Variants in SIRPB2 observed in about 807,000 individuals in gnomAD.
The protein encoded by SIRPB2 is signal-regulatory protein beta-2.
A neutral mutation model predicts 27.1 loss-of-function variants in SIRPB2; 18 were observed. The observed-to-expected ratio is 0.66, with a 90% CI of 0.46 to 0.98. The LOEUF is 0.98. SIRPB2 is among the 50% of genes least tolerant of loss of function. The pLI is 0.00. For missense variants in SIRPB2, 420 were observed against 417.4 expected (o/e 1.01, Z -0.06); for synonymous variants, 150 against 164.6 (o/e 0.91, Z 0.68).
At position 1,476,099 on chromosome 20, in the gene SIRPB2, G is replaced by A. The variant is rs2090603266; in HGVS notation, c.*68C>T. ...GGGCACCTAGAGGCTGGGACTGGAG[G>A]TAGGGAAATGGTTGAGGAGCCCTGG... On this transcript the variant is annotated 3_prime_UTR_variant, in exon 5 of 5. Transcript: ENST00000359801. The A allele has an allele frequency of 6.4e-6, 10 of 1,567,650 alleles. No individual in the cohort carries two copies. In the South Asian group the frequency reaches 8.1e-5, roughly 13 times the overall value.
Position 1,478,348 on chromosome 20 carries a change from T to C in SIRPB2, c.711A>G (p.Ala237=), listed in dbSNP as rs757005407. 14 of 1,614,120 alleles carry C rather than the reference T, an allele frequency of 8.7e-6. No individual in the cohort carries two copies. The highest frequency in any genetic ancestry group is 1.3e-5 in the African/African-American group (1 of 74,950). ...ILLQNVSSED[A]GTYYCVKFQR... is the part of the protein sequence containing the mutation. ...GAAACTTTACACAGTAATAGGTGCCTGCATCCTCACTGGAGACGTTTTGCA... is the reference window on the plus strand; with the variant it reads ...GAAACTTTACACAGTAATAGGTGCCCGCATCCTCACTGGAGACGTTTTGCA... The change falls in exon 3 of 5, where the codon GCA becomes GCG. Residue 237 remains alanine (A), a synonymous_variant. Transcript: ENST00000359801.
chr20:1,474,457 G>A (rs1177234728), downstream of SIRPB2: 4 of 152,584 alleles, frequency 2.6e-5, no homozygotes, highest in African/African-American at 4.8e-5. Flanking sequence ...TCTACTCGCC[G>A]CTATAGTGAG....
rs377158391 is a variant in SIRPB2 at position 1,482,832 on chromosome 20, A to AT, written c.86-2768dup. On this transcript the variant is annotated intron_variant, in intron 1 of 4. Coordinates refer to ENST00000359801, the MANE Select transcript of SIRPB2 (RefSeq NM_001122962.2). ...GTGCTTGGGGACACTATATATATGTATTTTTTTTATCAATTCATCCATTGA... is the reference window on the plus strand; with the variant it reads ...GTGCTTGGGGACACTATATATATGTATTTTTTTTTATCAATTCATCCATTGA... 5.9e-3 allele frequency among the ~76,000 whole-genome samples: 899 copies of AT among 151,248 alleles called. 7 individuals carry two copies. Among genetic ancestry groups the AT allele is most frequent in the African/African-American group, 9.5e-3 (388 of 40,942 alleles).
chr20:1,486,983 A>T (rs1003205247), intron 1 of SIRPB2, among the ~76,000 whole-genome samples: 9 of 152,328 alleles, frequency 5.9e-5, no homozygotes, highest in African/African-American at 2.2e-4. Context: ...ACTAACTGTG[A>T]AAAAGGTAGT....
At chr20:1,480,195 C>A (rs571906279) in intron 1 of SIRPB2, 130 bp from the exon 2 acceptor site, 2 of 1,271,042 alleles carry the variant, frequency 1.6e-6, no homozygotes, top group Non-Finnish European at 2.1e-6. Context: ...TGTCATTAGA[C>A]AGGGAAGGGA....
At chr20:1,485,781 A>T (rs919337503) in intron 1 of SIRPB2, among the ~76,000 whole-genome samples, 1 of 152,068 alleles carries the variant, frequency 6.6e-6, no homozygotes, top group African/African-American at 2.4e-5. Flanking sequence ...TAAATTATTA[A>T]AATAAGGAAT....
Position 1,478,591 on chromosome 20 carries a change from T to C in SIRPB2, c.468A>G (p.Glu156=), listed in dbSNP as rs2090634736. ...GGGGCTGGATGATCCACAGGTCTGG[T>C]TCAGGGTCCCCAGCTCCTGAAGCCA... is the stretch of plus-strand genomic sequence containing the variant. The part of the protein sequence containing the change: ...SVLVKGAGDP[E]PDLWIIQPQE... The change falls in exon 3 of 5, where the codon GAA becomes GAG. Residue 156 remains glutamate (E), a synonymous_variant. Transcript: ENST00000359801. 3 of 1,579,486 alleles carry C rather than the reference T, an allele frequency of 1.9e-6. No individual in the cohort carries two copies. The South Asian group carries it at 3.4e-5, about 18-fold the overall frequency.
At chr20:1,488,272 C>T (rs1440449766) in intron 1 of SIRPB2, among the ~76,000 whole-genome samples, 1 of 152,070 alleles carries the variant, frequency 6.6e-6, no homozygotes, top group Non-Finnish European at 1.5e-5. Context: ...AAATGAGAGT[C>T]GAATAGACAC....
intron 1 of SIRPB2, among the ~76,000 whole-genome samples, chr20:1,489,469 A>T (rs936703899): frequency 6.6e-6 from 1 of 152,244 alleles, no homozygotes; most frequent in Non-Finnish European, 1.5e-5. Flanking sequence ...AGAAAGTCTT[A>T]TCTCAGCTAG....
Position 1,491,367 on chromosome 20 carries a change from T to A in SIRPB2, c.-8A>T. ...CGACATCGTGGAGCACATGGCATCT[T>A]CTGTGGTCCCCAAGACTTGGGGCTC... is the stretch of plus-strand genomic sequence containing the variant. On this transcript the variant is annotated 5_prime_UTR_variant, in exon 1 of 5. Coordinates refer to ENST00000359801, the MANE Select transcript of SIRPB2 (RefSeq NM_001122962.2). 1 of 1,605,152 alleles carries A rather than the reference T, an allele frequency of 6.2e-7. No homozygotes were observed. The highest frequency in any genetic ancestry group is 1.1e-5 in the South Asian group (1 of 89,352).
At chr20:1,478,716 A>T in intron 2 of SIRPB2, 109 bp from the exon 3 acceptor site, 1 of 892,152 alleles carries the variant, frequency 1.1e-6, no homozygotes, top group Non-Finnish European at 1.7e-6. Flanking sequence ...TTCTTCACTC[A>T]GCCACTCCTT....
At chr20:1,480,144 C>T (rs1267060318) in intron 1 of SIRPB2, 79 bp from the exon 2 acceptor site, 12 of 1,488,832 alleles carry the variant, frequency 8.1e-6, no homozygotes, top group Non-Finnish European at 1.1e-5. Flanking sequence ...ACAATCAAAC[C>T]ATTATCTGGC....
At chr20:1,491,142 C>T (rs748809503) in intron 1 of SIRPB2, 133 bp downstream of exon 1, 2 of 768,414 alleles carry the variant, frequency 2.6e-6, no homozygotes, top group African/African-American at 1.9e-5. Flanking sequence ...CGGAGTCAGG[C>T]AAATTTTCAG....
intron 4 of SIRPB2, chr20:1,476,977 T>A: frequency 8.2e-7 from 1 of 1,224,738 alleles, no homozygotes; most frequent in Non-Finnish European, 1.0e-6. Flanking sequence ...AACCTGCCCA[T>A]TACACTAGGA....
chr20:1,491,312 G>C lies in SIRPB2; in HGVS notation c.48C>G (p.Pro16=), dbSNP rs1336511037. Residue 16 remains proline, a synonymous_variant, in exon 1 of 5, where the codon CCC becomes CCG. Coordinates refer to ENST00000359801, the MANE Select transcript of SIRPB2 (RefSeq NM_001122962.2). ...GGACCAGTGCCAGCAGCAGGAAGCA[G>C]GGAGGCAAGTGGGCCAGGCAGGTGG... ...SAPTCLAHLP[P]CFLLLALVLV... is the part of the protein sequence containing the mutation. 1.9e-6 allele frequency: 3 copies of C among 1,611,792 alleles called. No individual in the cohort carries two copies. Among genetic ancestry groups the C allele is most frequent in the Non-Finnish European group, 2.5e-6 (3 of 1,179,306 alleles).
chr20:1,485,833 A>C (rs1318582128), intron 1 of SIRPB2, among the ~76,000 whole-genome samples: 1 of 152,126 alleles, frequency 6.6e-6, no homozygotes, highest in Non-Finnish European at 1.5e-5. Flanking sequence ...TTATTAATAG[A>C]ATAATAAAAG....
chr20:1,473,974 G>A (rs1401835150), downstream of SIRPB2: 1 of 419,664 alleles, frequency 2.4e-6, no homozygotes, highest in African/African-American at 2.1e-5. Flanking sequence ...AGGCTCCAGG[G>A]GGAGAATTTC....
chr20:1,480,183 A>G, intron 1 of SIRPB2, 118 bp from the exon 2 acceptor site: 6 of 1,340,382 alleles, frequency 4.5e-6, no homozygotes, highest in Non-Finnish European at 5.9e-6. Flanking sequence ...ATAAGACAGG[A>G]GTGTCATTAG....
At chr20:1,471,477 T>C (rs1333368814), downstream of SIRPB2, among the ~76,000 whole-genome samples, 1 of 152,208 alleles carries the variant, frequency 6.6e-6, no homozygotes, top group Non-Finnish European at 1.5e-5. Flanking sequence ...GTAACCAACC[T>C]GGATATAACT....
Sources: allele counts gnomAD v4.1 joint callset (sites outside exome capture counted in the v4.1 genomes callset), GRCh38; gene constraint gnomAD v4.1.1; transcripts MANE v1.5; gene names NCBI Gene and HGNC (gene_info 2026-07-23, HGNC 2026-07-21).